The following PCNX2 variants were observed in gnomAD, a reference collection of about 807,000 sequenced individuals.
The protein encoded by PCNX2 is pecanex-like protein 2.
A neutral mutation model predicts 223.8 loss-of-function variants in PCNX2; 168 were observed. The ratio of observed to expected loss-of-function variants is 0.75; its 90% CI spans 0.66 to 0.85. The LOEUF (loss-of-function observed/expected upper bound fraction) is 0.85. PCNX2 is among the 40% of genes least tolerant of loss of function. The pLI, the probability that PCNX2 is intolerant of heterozygous loss-of-function variation, is 0.00. For missense variants in PCNX2, 2,507 were observed against 2,675.5 expected (o/e 0.94, Z 1.39); for synonymous variants, 1,006 against 1,052.6 (o/e 0.96, Z 0.86).
chr1:233,014,718 C>T lies in PCNX2; in HGVS notation c.4899G>A (p.Leu1633=). ...DSPLVTLSFA[L]CTLGRRALGT... is the part of the protein sequence containing the mutation. ...CCAGAGCTCTCCTCCCCAGGGTGCA[C>T]AGGGCGAAGGACAGAGTCACCAAGG... The change falls in exon 28 of 34, where the codon CTG becomes CTA. Residue 1633 remains leucine, a synonymous_variant. Transcript: ENST00000258229. 1 of 1,613,990 alleles carries T rather than the reference C, an allele frequency of 6.2e-7. No individual in the cohort carries two copies. The highest frequency in any genetic ancestry group is 1.1e-5 in the South Asian group (1 of 91,082).
chr1:233,019,743 G>C (rs6690790), intron 26 of PCNX2, among the ~76,000 whole-genome samples: 55,789 of 149,340 alleles, frequency 0.37, 13,060 homozygotes, highest in African/African-American at 0.69. Flanking sequence ...GGGGACAGGA[G>C]AACCGTTGTG....
intron 27 of PCNX2, among the ~76,000 whole-genome samples, chr1:233,015,653 A>AT (rs1670629555): frequency 6.6e-6 from 1 of 152,140 alleles, no homozygotes; most frequent in South Asian, 2.1e-4. Context: ...AGATTGCGTC[A>AT]CTGCACTCTA....
At chr1:233,296,805 G>A (rs1464985455), upstream of PCNX2, among the ~76,000 whole-genome samples, 1 of 152,148 alleles carries the variant, frequency 6.6e-6, no homozygotes, top group East Asian at 1.9e-4. Context: ...ACTTACTTAT[G>A]GCTGCCCTAG....
chr1:233,201,636 T>A (rs1281709435), intron 13 of PCNX2: 2 of 152,344 alleles, frequency 1.3e-5, no homozygotes, highest in Non-Finnish European at 2.9e-5. Context: ...AGAGGGAAGG[T>A]CCAATGAGAT....
At chr1:233,249,829 A>C (rs1053395943) in intron 8 of PCNX2, among the ~76,000 whole-genome samples, 4 of 152,222 alleles carry the variant, frequency 2.6e-5, no homozygotes, top group Admixed American at 2.6e-4. Flanking sequence ...ATGCCCTAAG[A>C]AGCTGGTACA....
chr1:233,017,434 C>G (rs1408186599), intron 26 of PCNX2, among the ~76,000 whole-genome samples: 1 of 150,984 alleles, frequency 6.6e-6, no homozygotes, highest in Non-Finnish European at 1.5e-5. Context: ...TCTCCTGCCT[C>G]AGCCTCCCAA....
In PCNX2 at chr1:233,259,119, A is replaced by T. The variant is rs1352739123; in HGVS notation, c.743T>A (p.Val248Glu). 6 of 1,614,038 alleles carry T rather than the reference A, an allele frequency of 3.7e-6. No homozygotes were observed. The Admixed American group carries it at 6.7e-5, about 18-fold the overall frequency. The change falls in exon 5 of 34, where the codon GTG becomes GAG. Residue 248 changes from valine to glutamate, a missense_variant. Transcript: ENST00000258229. ...PLRHRSEGGLVDKGPLKKLPH... is the reference protein window; with the variant it reads ...PLRHRSEGGLEDKGPLKKLPH... ...CAACTTCTTCAAGGGTCCCTTATCC[A>T]CTAAGCCACCCTCGGATCTGTGGCG...
rs373962788 is a variant in PCNX2 at position 233,086,629 on chromosome 1, C to T, written c.4076+3432G>A. 7.2e-5 allele frequency among the ~76,000 whole-genome samples: 11 copies of T among 152,046 alleles called. No individual in the cohort carries two copies. In the East Asian group the frequency reaches 2.1e-3, roughly 29 times the overall value. Reference sequence around the variant, plus strand: ...GAGCTTGCAGTGAGTGGAGATCGTGCCACTGCACTCCAGCCTGGGCAATAG... The same window carrying T: ...GAGCTTGCAGTGAGTGGAGATCGTGTCACTGCACTCCAGCCTGGGCAATAG... On this transcript the variant is annotated intron_variant, in intron 23 of 33. Coordinates refer to ENST00000258229, the MANE Select transcript of PCNX2 (RefSeq NM_014801.4).
Position 232,986,803 on chromosome 1 carries a change from G to A in PCNX2, c.5792-263C>T, listed in dbSNP as rs1356740774. On this transcript the variant is annotated intron_variant, in intron 32 of 33. Transcript: ENST00000258229. The stretch of plus-strand genomic sequence containing the variant: ...TGGGGGTACAGTGTGAGAAGCTGCA[G>A]CCAGGGTGACAGATCTGCTCAGTTT... Among the ~76,000 whole-genome samples the A allele has an allele frequency of 2.0e-5, 3 of 152,210 alleles. No homozygotes were observed. The East Asian group carries it at 5.8e-4, about 29-fold the overall frequency.
At chr1:233,312,893 AG>A in the PCNX2 span, among the ~76,000 whole-genome samples, 1 of 152,134 alleles carries the variant, frequency 6.6e-6, no homozygotes. Flanking sequence ...ATTCATATGA[AG>A]AAAACCTTAA....
At chr1:233,324,909 C>T in the PCNX2 span, among the ~76,000 whole-genome samples, 1 of 152,052 alleles carries the variant, frequency 6.6e-6, no homozygotes, top group South Asian at 2.1e-4. Context: ...ATATTTTAAG[C>T]CCACTGTTAA....
At chr1:233,292,354 T>C (rs1025064808) in intron 1 of PCNX2, among the ~76,000 whole-genome samples, 1 of 152,056 alleles carries the variant, frequency 6.6e-6, no homozygotes, top group South Asian at 2.1e-4. Flanking sequence ...ATTGCAGGCA[T>C]GCACCACCAC....
At chr1:233,181,036 T>C (rs547555566) in intron 15 of PCNX2, 1 of 152,298 alleles carries the variant, frequency 6.6e-6, no homozygotes, top group South Asian at 2.1e-4. Flanking sequence ...CACGGACCTC[T>C]TCTTTCTTTG....
At chr1:233,005,429 C>CTGGGT (rs1558156947) in intron 28 of PCNX2, among the ~76,000 whole-genome samples, 1 of 152,176 alleles carries the variant, frequency 6.6e-6, no homozygotes, top group African/African-American at 2.4e-5. Flanking sequence ...TCCACAGGAG[C>CTGGGT]CTCTCTAAGA....
chr1:233,117,354 T>C (rs1675470368), intron 21 of PCNX2, among the ~76,000 whole-genome samples: 1 of 148,752 alleles, frequency 6.7e-6, no homozygotes. Flanking sequence ...ACCCCCGGCC[T>C]GGCGCGGTTG....
At chr1:233,161,164 T>G in intron 18 of PCNX2, 107 bp downstream of exon 18, 2 of 1,049,628 alleles carry the variant, frequency 1.9e-6, no homozygotes, top group East Asian at 5.3e-5. Context: ...GCATTTTGTT[T>G]TCTTTCTCTG....
rs938826712 is a variant in PCNX2, at chr1:233,032,908, A to G, written c.4352-7509T>C. Reference sequence around the variant, plus strand: ...TCTTAGGAGTGAAAGAGTCACACTCAGGATCATATTAAAAAAGAATATGAA... The same window carrying G: ...TCTTAGGAGTGAAAGAGTCACACTCGGGATCATATTAAAAAAGAATATGAA... On this transcript the variant is annotated intron_variant, in intron 25 of 33. Transcript: ENST00000258229. 11 of 866,146 alleles carry G rather than the reference A, an allele frequency of 1.3e-5. No homozygotes were observed. In the African/African-American group the frequency reaches 1.8e-4, roughly 14 times the overall value. The allele number at this position is 866,146 out of a possible 1,614,324, so 53.7% of individuals were successfully genotyped here. A position where few individuals can be genotyped will look rare whatever the true frequency, so the allele number is the denominator to read the frequency against.
chr1:233,247,601 A>G (rs1194379069), intron 8 of PCNX2, among the ~76,000 whole-genome samples: 3 of 151,958 alleles, frequency 2.0e-5, no homozygotes, highest in African/African-American at 7.2e-5. Context: ...TGAGATTGCC[A>G]GGTGTGGTGG....
intron 25 of PCNX2, 139 bp from the exon 26 acceptor site, chr1:233,025,538 T>A (rs1432644782): frequency 9.3e-7 from 1 of 1,071,312 alleles, no homozygotes; most frequent in Admixed American, 2.7e-5. Flanking sequence ...TGTCCTCAAA[T>A]AAGTCCCCCA....
Sources: gnomAD v4.1 joint callset for allele counts (sites outside exome capture counted in the v4.1 genomes callset) on GRCh38, gnomAD v4.1.1 for gene constraint, MANE v1.5 for transcripts, NCBI Gene and HGNC (gene_info 2026-07-23, HGNC 2026-07-21) for gene names.